Variants in CLIP2 observed in about 807,000 individuals in gnomAD.
CLIP2 encodes the protein CAP-Gly domain-containing linker protein 2.
In CLIP2, 41 loss-of-function variants were observed where a neutral mutation model predicts 111.7. That is an observed-to-expected ratio of 0.37 (90% CI 0.29 to 0.48). CLIP2 has a LOEUF of 0.48. Among genes scored for constraint, CLIP2 ranks in the 20% least tolerant of loss-of-function variants. The probability of loss-of-function intolerance (pLI) is 0.99; values close to 1 mark genes in which losing one functional copy is unlikely to be tolerated. For missense variants in CLIP2, 1,160 were observed against 1,422.1 expected (o/e 0.82, Z 2.96); for synonymous variants, 660 against 644.2 (o/e 1.02, Z -0.37).
chr7:74,377,432 C>T (rs1790824698), intron 10 of CLIP2, among the ~76,000 whole-genome samples: 1 of 152,200 alleles, frequency 6.6e-6, no homozygotes, highest in Non-Finnish European at 1.5e-5. Context: ...TCTAGAAATT[C>T]CTTAAGCATC....
intron 1 of CLIP2, among the ~76,000 whole-genome samples, chr7:74,293,842 C>G (rs190059233): frequency 2.6e-5 from 4 of 151,674 alleles, no homozygotes; most frequent in African/African-American, 9.7e-5. Flanking sequence ...AGCCCTGCCC[C>G]GGGACAGGAG....
intron 6 of CLIP2, among the ~76,000 whole-genome samples, chr7:74,358,845 A>G (rs1790230117): frequency 1.3e-5 from 2 of 152,116 alleles, no homozygotes; most frequent in African/African-American, 4.8e-5. Flanking sequence ...CACCGCGATT[A>G]TAGGCATAAG....
intron 7 of CLIP2, 85 bp downstream of exon 7, chr7:74,360,363 G>C (rs994353417): frequency 1.3e-5 from 13 of 1,005,358 alleles, no homozygotes; most frequent in Non-Finnish European, 1.6e-5. Flanking sequence ...AGCGGACCCA[G>C]GTTCCAGTCC....
chr7:74,364,456 G>A (rs1554310389), intron 8 of CLIP2, 141 bp downstream of exon 8: 3 of 698,188 alleles, frequency 4.3e-6, no homozygotes, highest in Non-Finnish European at 7.2e-6. Flanking sequence ...AGGATCAAAG[G>A]TCTGATGTCT....
intron 1 of CLIP2, among the ~76,000 whole-genome samples, chr7:74,306,986 G>A (rs1195858737): frequency 6.6e-6 from 1 of 152,180 alleles, no homozygotes; most frequent in African/African-American, 2.4e-5. Context: ...AAGTCCCAGC[G>A]TTTTCCAAGA....
intron 2 of CLIP2, among the ~76,000 whole-genome samples, chr7:74,327,406 A>G (rs1554730783): frequency 6.6e-6 from 1 of 152,144 alleles, no homozygotes; most frequent in African/African-American, 2.4e-5. Flanking sequence ...CTCGGTCAGC[A>G]TTGTGGTTCT....
intron 3 of CLIP2, among the ~76,000 whole-genome samples, chr7:74,340,790 G>C (rs1554305223): frequency 6.6e-6 from 1 of 152,122 alleles, no homozygotes; most frequent in African/African-American, 2.4e-5. Context: ...TTCTGGGCCT[G>C]GGGTGTGAGG....
At chr7:74,369,140 C>G (rs782315263) in intron 8 of CLIP2, among the ~76,000 whole-genome samples, 1 of 152,190 alleles carries the variant, frequency 6.6e-6, no homozygotes, top group Non-Finnish European at 1.5e-5. Flanking sequence ...CACTTGAGGT[C>G]AGGAGATTCA....
chr7:74,381,803 C>T (rs537092984), intron 11 of CLIP2, among the ~76,000 whole-genome samples: 12 of 152,228 alleles, frequency 7.9e-5, no homozygotes, highest in South Asian at 2.1e-4. Flanking sequence ...AGCTGGTTTC[C>T]GATAACAATC....
At chr7:74,298,008 G>T (rs1462636601) in intron 1 of CLIP2, among the ~76,000 whole-genome samples, 1 of 151,856 alleles carries the variant, frequency 6.6e-6, no homozygotes, top group Non-Finnish European at 1.5e-5. Context: ...TAGGTACCGA[G>T]AACCCAGCAA....
intron 1 of CLIP2, among the ~76,000 whole-genome samples, chr7:74,310,189 C>G (rs1314325931): frequency 2.0e-5 from 3 of 150,304 alleles, no homozygotes; most frequent in Non-Finnish European, 3.0e-5. Flanking sequence ...GATCATGCCA[C>G]CACACTCCAG....
At chr7:74,371,014 G>A (rs182855202) in intron 8 of CLIP2, among the ~76,000 whole-genome samples, 187 of 152,218 alleles carry the variant, frequency 1.2e-3, no homozygotes, top group Admixed American at 2.4e-3. Flanking sequence ...TTGGGAGGCT[G>A]AGGTGGGCAG....
intron 3 of CLIP2, among the ~76,000 whole-genome samples, chr7:74,347,622 C>A (rs1215375279): frequency 2.6e-5 from 4 of 152,208 alleles, no homozygotes; most frequent in Non-Finnish European, 5.9e-5. Flanking sequence ...TGAGCCCTGG[C>A]GGCCACGCCT....
intron 3 of CLIP2, among the ~76,000 whole-genome samples, chr7:74,340,233 C>T (rs990103212): frequency 3.9e-5 from 6 of 151,952 alleles, no homozygotes; most frequent in Non-Finnish European, 8.8e-5. Context: ...CCATCTCTAC[C>T]AAAAATACAA....
chr7:74,379,960 AAG>A (rs1347072408), intron 10 of CLIP2: 3 of 152,172 alleles, frequency 2.0e-5, no homozygotes, highest in African/African-American at 7.2e-5. Context: ...AAAAAAGAAA[AAG>A]AAAAATTTAG....
intron 1 of CLIP2, among the ~76,000 whole-genome samples, chr7:74,310,958 G>A (rs1213209429): frequency 2.0e-5 from 3 of 150,192 alleles, no homozygotes; most frequent in African/African-American, 7.3e-5. Context: ...CAAGCTATCT[G>A]CCTGCCTCGA....
intron 3 of CLIP2, among the ~76,000 whole-genome samples, chr7:74,343,519 A>G (rs1159895381): frequency 6.6e-6 from 1 of 151,514 alleles, no homozygotes; most frequent in Non-Finnish European, 1.5e-5. Flanking sequence ...TCATTCATTC[A>G]TTCTCCATGT....
At chr7:74,364,517 C>T (rs538314594) in intron 8 of CLIP2, among the ~76,000 whole-genome samples, 5 of 152,238 alleles carry the variant, frequency 3.3e-5, no homozygotes, top group South Asian at 4.1e-4. Context: ...CTGTGCTCCC[C>T]GTGTCAGCAG....
chr7:74,338,935 A>G lies in CLIP2; in HGVS notation c.609A>G (p.Gly203=). The G allele has an allele frequency of 6.2e-7, 1 of 1,600,628 alleles. No homozygotes were observed. ...CCGTGAAGACTGGCAACGAGTCGGG[A>G]TCCAACCTCTCAGACAGCGGCTCTG... ...NSSVKTGNES[G]SNLSDSGSVK... The change falls in exon 3 of 17, where the codon GGA becomes GGG. Residue 203 remains glycine, a synonymous_variant. Transcript: ENST00000223398. The surrounding 1 kb of genome is among the most constrained non-coding windows in gnomAD (Gnocchi z 4.3).
Sources: gnomAD v4.1 joint callset for allele counts (sites outside exome capture counted in the v4.1 genomes callset) on GRCh38, gnomAD v4.1.1 for gene constraint, Gnocchi (gnomAD v3.1) non-coding constraint, MANE v1.5 for transcripts, NCBI Gene and HGNC (gene_info 2026-07-23, HGNC 2026-07-21) for gene names.